RCOR3: variants seen among roughly 807,000 people sequenced by gnomAD.
RCOR3 encodes the protein REST corepressor 3.
Under a neutral mutation model 64.1 loss-of-function variants are expected in RCOR3, and 13 were observed. That is an observed-to-expected ratio of 0.20 (90% CI 0.13 to 0.32). The LOEUF is 0.32. RCOR3 is among the 10% of genes least tolerant of loss of function. RCOR3 has a pLI of 1.00. For missense variants in RCOR3, 489 were observed against 701.2 expected, an observed-to-expected ratio of 0.70 and a Z score of 3.42; for synonymous variants, 215 against 239.0, an observed-to-expected ratio of 0.90 and a Z score of 0.93.
intron 9 of RCOR3, among the ~76,000 whole-genome samples, chr1:211,296,088 C>G (rs1213583417): frequency 6.6e-6 from 1 of 152,078 alleles, no homozygotes; most frequent in East Asian, 1.9e-4. Flanking sequence ...TGCTGAAAGC[C>G]CTTTCCTGCT....
chr1:211,278,031 C>T, intron 5 of RCOR3, 86 bp from the exon 6 acceptor site: 1 of 1,172,538 alleles, frequency 8.5e-7, no homozygotes. Flanking sequence ...TTTTATTATG[C>T]CTTTACTAAA....
chr1:211,296,249 C>G (rs996582112), intron 9 of RCOR3, among the ~76,000 whole-genome samples: 1 of 152,146 alleles, frequency 6.6e-6, no homozygotes, highest in Non-Finnish European at 1.5e-5. Context: ...CTTACAAAAA[C>G]AAGGTATAGA....
At chr1:211,280,764 A>C (rs1277435364) in intron 7 of RCOR3, among the ~76,000 whole-genome samples, 1 of 152,128 alleles carries the variant, frequency 6.6e-6, no homozygotes, top group Non-Finnish European at 1.5e-5. Context: ...CAGGCAGATC[A>C]CCTGAGGTCA....
At chr1:211,263,101 C>T (rs1404830673) in intron 2 of RCOR3, among the ~76,000 whole-genome samples, 3 of 143,222 alleles carry the variant, frequency 2.1e-5, no homozygotes, top group Non-Finnish European at 4.5e-5. Context: ...CAGTTCCCAT[C>T]TATGAGTGAG....
At chr1:211,275,700 T>C (rs2102493866) in intron 4 of RCOR3, among the ~76,000 whole-genome samples, 1 of 152,356 alleles carries the variant, frequency 6.6e-6, no homozygotes, top group South Asian at 2.1e-4. Flanking sequence ...CTAATAATTC[T>C]ATTTATATGT....
In RCOR3 at chr1:211,296,391, T is replaced by C. The variant is rs1034402351; in HGVS notation, c.1017+638T>C. ...TTTTTCTAGGAGCTTCTATTATATC[T>C]TTTTTCTCTCTTTAACATTTCCTTA... On this transcript the variant is annotated intron_variant, in intron 9 of 11. Transcript: ENST00000419091. 2.0e-4 allele frequency among the ~76,000 whole-genome samples: 30 copies of C among 152,166 alleles called. 1 individual carries two copies. Among genetic ancestry groups the C allele is most frequent in the Middle Eastern group, 3.2e-3 (1 of 316 alleles).
intron 4 of RCOR3, among the ~76,000 whole-genome samples, chr1:211,275,040 ATAAT>A (rs1696769024): frequency 6.6e-6 from 1 of 151,184 alleles, no homozygotes; most frequent in South Asian, 2.1e-4. Context: ...TCTATTATAT[ATAAT>A]ATACTATATA....
intron 10 of RCOR3, among the ~76,000 whole-genome samples, chr1:211,307,793 A>T (rs1701003497): frequency 6.6e-6 from 1 of 151,596 alleles, no homozygotes; most frequent in South Asian, 2.1e-4. Flanking sequence ...ATTTTTTCCG[A>T]TTGTATAAAG....
chr1:211,291,946 T>G (rs1699289107), intron 8 of RCOR3, among the ~76,000 whole-genome samples: 2 of 152,122 alleles, frequency 1.3e-5, no homozygotes. Flanking sequence ...TAGTGAGACT[T>G]CATCTCTATA....
chr1:211,308,698 T>TTGTGTG (rs1701175394), intron 10 of RCOR3, among the ~76,000 whole-genome samples: 6 of 40,872 alleles, frequency 1.5e-4, no homozygotes, highest in African/African-American at 4.1e-4. Context: ...TTTTTTTTTT[T>TTGTGTG]TGTGTAGTCC....
rs1701677564 is a variant in RCOR3 at position 211,313,323 on chromosome 1, TTTTGA to T, written c.1318-96_1318-92del. On this transcript the variant is annotated intron_variant, in intron 11 of 11. Transcript: ENST00000419091. The surrounding 1 kb of genome is among the most constrained non-coding windows in gnomAD (Gnocchi z 4.7). ...ACACTGGTGTTATGTTTTTGTTTTGTTTTGATTTGTTTTGTTTTTCCTGTGACAGC... is the reference window on the plus strand; with the variant it reads ...ACACTGGTGTTATGTTTTTGTTTTGTTTTGTTTTGTTTTTCCTGTGACAGC... 6 of 1,472,224 alleles carry T rather than the reference TTTTGA, an allele frequency of 4.1e-6. No homozygotes were observed. Among genetic ancestry groups the T allele is most frequent in the Non-Finnish European group, 5.4e-6 (6 of 1,115,306 alleles). The allele number at this position is 1,472,224 out of a possible 1,614,324, so 91.2% of individuals were successfully genotyped here.
intron 9 of RCOR3, chr1:211,303,721 T>C (rs4279906): frequency 0.96 from 148,597 of 155,390 alleles, 71,119 homozygotes; most frequent in East Asian, 0.99. Flanking sequence ...CCCAGCACTT[T>C]GGGAGGCCGA....
At chr1:211,259,924 G>GCCCCCCCCCC in intron 1 of RCOR3, 184 bp from the exon 2 acceptor site, 1 of 459,852 alleles carries the variant, frequency 2.2e-6, no homozygotes, top group Non-Finnish European at 3.2e-6. Context: ...CTCCGCCTTT[G>GCCCCCCCCCC]CCCCCCCCCG....
At position 211,259,529 on chromosome 1, in the gene RCOR3, T is replaced by G; in HGVS notation, c.-32T>G. ...CGCCTTCACCCTGACGCCTGCCTCT[T>G]CCCCTCACCTTTCCCCCTCCCCTGT... On this transcript the variant is annotated 5_prime_UTR_variant, in exon 1 of 12. Coordinates refer to ENST00000419091, the MANE Select transcript of RCOR3 (RefSeq NM_001136223.3). 6.5e-7 allele frequency: 1 copy of G among 1,533,762 alleles called. No homozygotes were observed. The highest frequency in any genetic ancestry group is 1.2e-5 in the South Asian group (1 of 83,464).
At chr1:211,289,429 T>C in intron 8 of RCOR3, 33 bp downstream of exon 8, 3 of 1,527,206 alleles carry the variant, frequency 2.0e-6, no homozygotes, top group Non-Finnish European at 2.7e-6. Flanking sequence ...TTAATGATTC[T>C]GTGCATTTTG....
chr1:211,268,707 A>G (rs868579858), intron 2 of RCOR3, among the ~76,000 whole-genome samples: 1 of 152,032 alleles, frequency 6.6e-6, no homozygotes, highest in African/African-American at 2.4e-5. Context: ...AAATTTTTTC[A>G]TAATGAACCT....
intron 7 of RCOR3, among the ~76,000 whole-genome samples, chr1:211,283,690 G>A (rs116583621): frequency 0.01 from 1,588 of 152,182 alleles, 26 homozygotes; most frequent in African/African-American, 0.036. Flanking sequence ...TATTGCCCAA[G>A]CTAGTGTGCA....
chr1:211,274,135 T>A, intron 3 of RCOR3, 75 bp from the exon 4 acceptor site: 1 of 991,624 alleles, frequency 1.0e-6, no homozygotes, highest in Non-Finnish European at 1.5e-6. Context: ...TAATTTGCTA[T>A]GTTAAGAACA....
In RCOR3 at chr1:211,314,970, T is replaced by C. The variant is rs1185505703; in HGVS notation, c.*1202T>C. 1 of 152,234 alleles carries C rather than the reference T, an allele frequency of 6.6e-6. No homozygotes were observed. Among genetic ancestry groups the C allele is most frequent in the African/African-American group, 2.4e-5 (1 of 41,464 alleles). 9.4% of individuals were successfully genotyped at this position (152,234 alleles called of 1,614,324 possible). A position where few individuals can be genotyped will look rare whatever the true frequency, so the allele number is the denominator to read the frequency against. Reference sequence around the variant, plus strand: ...TCAGTATATTGTCACAGTTGTGCTGTTAACTAAAAATGCTGAGACCCCTTT... The same window carrying C: ...TCAGTATATTGTCACAGTTGTGCTGCTAACTAAAAATGCTGAGACCCCTTT... On this transcript the variant is annotated 3_prime_UTR_variant, in exon 12 of 12. Coordinates refer to ENST00000419091, the MANE Select transcript of RCOR3 (RefSeq NM_001136223.3).
Sources: allele counts gnomAD v4.1 joint callset (sites outside exome capture counted in the v4.1 genomes callset), GRCh38; gene constraint gnomAD v4.1.1; non-coding constraint Gnocchi (gnomAD v3.1); transcripts MANE v1.5; gene names NCBI Gene and HGNC (gene_info 2026-07-23, HGNC 2026-07-21).